CSMD1: variants seen among roughly 807,000 people sequenced by gnomAD.
CSMD1 encodes CUB and Sushi multiple domains 1, also known as CUB and sushi domain-containing protein 1.
CSMD1 carries 213 observed loss-of-function variants against 417.5 expected under a neutral mutation model. The ratio of observed to expected loss-of-function variants is 0.51; its 90% confidence interval spans 0.46 to 0.57. The LOEUF is 0.57. Among genes scored for constraint, CSMD1 ranks in the 20% least tolerant of loss-of-function variants. The probability of loss-of-function intolerance (pLI) is 0.00; values close to 1 mark genes in which losing one functional copy is unlikely to be tolerated. For missense variants in CSMD1, 6,923 were observed against 4,529.7 expected, an observed-to-expected ratio of 1.53 and a Z score of -15.17; for synonymous variants, 2,862 against 1,736.8, an observed-to-expected ratio of 1.65 and a Z score of -16.11.
intron 37 of CSMD1, among the ~76,000 whole-genome samples, chr8:3,176,622 TG>T (rs1336138314): frequency 6.6e-6 from 1 of 152,132 alleles, no homozygotes; most frequent in Non-Finnish European, 1.5e-5. Flanking sequence ...CCCATCCACT[TG>T]GGATGTAGAG....
intron 52 of CSMD1, among the ~76,000 whole-genome samples, chr8:3,001,071 T>G (rs1209913258): frequency 6.6e-5 from 10 of 151,878 alleles, no homozygotes; most frequent in African/African-American, 2.4e-4. Context: ...CCTCAATCCC[T>G]TGGGCTCAAG....
At chr8:4,954,154 C>G (rs1243585458) in intron 1 of CSMD1, among the ~76,000 whole-genome samples, 1 of 152,086 alleles carries the variant, frequency 6.6e-6, no homozygotes. Flanking sequence ...CAAATAAGAA[C>G]CAACTATTTG....
In CSMD1 at chr8:4,446,733, CTGTGTGTG is replaced by C. The variant is rs758084825; in HGVS notation, c.303-26676_303-26669del. 5.9e-3 allele frequency among the ~76,000 whole-genome samples: 786 copies of C among 134,114 alleles called. 3 individuals are homozygous for C. The highest frequency in any genetic ancestry group is 0.02 in the African/African-American group (717 of 35,386). The allele number at this position is 134,114 out of a possible 152,430, so 88.0% of individuals were successfully genotyped here. On this transcript the variant is annotated intron_variant, in intron 2 of 69. Transcript: ENST00000635120. ...ATGCCTGAGTTGTGTGTGTGTGTGT[CTGTGTGTG>C]TGTGTGTGTGTGTCTGTGTGTGTGT...
intron 25 of CSMD1, among the ~76,000 whole-genome samples, chr8:3,300,330 T>C (rs1455695534): frequency 2.0e-5 from 3 of 152,106 alleles, no homozygotes; most frequent in Admixed American, 6.6e-5. Flanking sequence ...TTTTCTTTGG[T>C]GTTTAAGATT....
chr8:4,712,596 T>C (rs955121091), intron 1 of CSMD1, among the ~76,000 whole-genome samples: 5 of 152,230 alleles, frequency 3.3e-5, no homozygotes, highest in Non-Finnish European at 7.3e-5. Context: ...ATACTGAAGA[T>C]ATTTAAGATC....
chr8:4,429,599 T>C (rs925217122), intron 2 of CSMD1, among the ~76,000 whole-genome samples: 3 of 151,972 alleles, frequency 2.0e-5, no homozygotes, highest in Non-Finnish European at 2.9e-5. Flanking sequence ...GCAAAGAAAG[T>C]CAAAGTTTAG....
chr8:3,167,916 TA>T (rs1397552296), intron 37 of CSMD1, among the ~76,000 whole-genome samples: 1 of 152,174 alleles, frequency 6.6e-6, no homozygotes, highest in Non-Finnish European at 1.5e-5. Context: ...GAACACATGA[TA>T]AACATGCAAT....
chr8:4,907,970 T>C (rs1261881605), intron 1 of CSMD1, among the ~76,000 whole-genome samples: 2 of 152,186 alleles, frequency 1.3e-5, no homozygotes, highest in Non-Finnish European at 2.9e-5. Flanking sequence ...GACTCAGATA[T>C]AGGCATAGAT....
intron 5 of CSMD1, among the ~76,000 whole-genome samples, chr8:3,974,998 C>T (rs914100261): frequency 6.6e-6 from 1 of 152,110 alleles, no homozygotes; most frequent in Non-Finnish European, 1.5e-5. Context: ...TGCTTGAGTT[C>T]TTTGCAGTGA....
chr8:3,057,387 C>G (rs1045056639), intron 49 of CSMD1, among the ~76,000 whole-genome samples: 2 of 151,978 alleles, frequency 1.3e-5, no homozygotes, highest in Non-Finnish European at 2.9e-5. Flanking sequence ...AAATCAGGGT[C>G]ATTAAAACAC....
chr8:4,751,987 T>C (rs7013753), intron 1 of CSMD1, among the ~76,000 whole-genome samples: 2,443 of 152,306 alleles, frequency 0.016, 77 homozygotes, highest in African/African-American at 0.055. Context: ...CGACTGTATA[T>C]ATGCGTGTAT....
chr8:4,744,398 T>C (rs1203189985), intron 1 of CSMD1, among the ~76,000 whole-genome samples: 1 of 152,166 alleles, frequency 6.6e-6, no homozygotes. Flanking sequence ...ACCTCTCAGT[T>C]CGGTTCTAGC....
intron 10 of CSMD1, among the ~76,000 whole-genome samples, chr8:3,570,942 A>T (rs1294401141): frequency 1.3e-5 from 2 of 152,224 alleles, no homozygotes; most frequent in Non-Finnish European, 2.9e-5. Flanking sequence ...GGAAAATAAT[A>T]GAAACTAAAA....
intron 11 of CSMD1, among the ~76,000 whole-genome samples, chr8:3,474,912 T>C (rs1028590999): frequency 2.0e-5 from 3 of 152,082 alleles, no homozygotes; most frequent in African/African-American, 7.2e-5. Context: ...TAGAGGAAAA[T>C]ATAATTTTAT....
intron 1 of CSMD1, among the ~76,000 whole-genome samples, chr8:4,645,950 T>C (rs1312247407): frequency 2.0e-5 from 3 of 152,192 alleles, no homozygotes; most frequent in Non-Finnish European, 4.4e-5. Context: ...TTCTGAGTGA[T>C]AAAGTCGGTT....
chr8:4,209,176 C>T (rs1366640686), intron 3 of CSMD1, among the ~76,000 whole-genome samples: 1 of 152,138 alleles, frequency 6.6e-6, no homozygotes, highest in East Asian at 1.9e-4. Flanking sequence ...AAGGTTCTTT[C>T]CAGATGTAGG....
chr8:3,963,666 T>A (rs574790259), intron 5 of CSMD1, among the ~76,000 whole-genome samples: 2 of 152,332 alleles, frequency 1.3e-5, no homozygotes, highest in African/African-American at 2.4e-5. Flanking sequence ...TGCGTATGAT[T>A]TTGTATGTGT....
chr8:4,065,756 T>C (rs891015903), intron 3 of CSMD1, among the ~76,000 whole-genome samples: 2 of 152,180 alleles, frequency 1.3e-5, no homozygotes, highest in African/African-American at 4.8e-5. Flanking sequence ...ACATAAATGC[T>C]AAATATTTGG....
At chr8:3,401,663 G>C (rs1411942573) in intron 15 of CSMD1, among the ~76,000 whole-genome samples, 1 of 152,182 alleles carries the variant, frequency 6.6e-6, no homozygotes, top group African/African-American at 2.4e-5. Flanking sequence ...GTCTAGGTCT[G>C]TGAGACACAG....
Sources: allele counts gnomAD v4.1 joint callset (sites outside exome capture counted in the v4.1 genomes callset), GRCh38; gene constraint gnomAD v4.1.1; transcripts MANE v1.5; gene names NCBI Gene and HGNC (gene_info 2026-07-23, HGNC 2026-07-21).